FRMD4B: variants seen among roughly 807,000 people sequenced by gnomAD.
The protein encoded by FRMD4B is FERM domain-containing protein 4B.
Under a neutral mutation model 141.5 loss-of-function variants are expected in FRMD4B, and 74 were observed. That is an observed-to-expected ratio of 0.52 (90% CI 0.43 to 0.63). FRMD4B has a LOEUF of 0.63. Ranked by LOEUF, FRMD4B falls within the 30% of genes least tolerant of loss-of-function variation. The pLI, the probability that FRMD4B is intolerant of heterozygous loss-of-function variation, is 0.00. For synonymous variants in FRMD4B, 506 were observed against 467.9 expected, an observed-to-expected ratio of 1.08 and a Z score of -1.05; for missense variants, 1,366 against 1,253.4, an observed-to-expected ratio of 1.09 and a Z score of -1.36.
chr3:69,195,199 A>T (rs2092888616), intron 15 of FRMD4B, 32 bp downstream of exon 15: 1 of 1,613,226 alleles, frequency 6.2e-7, no homozygotes, highest in Admixed American at 1.7e-5. Flanking sequence ...GTTGTCAAAC[A>T]CAACTTGATG....
intron 1 of FRMD4B, among the ~76,000 whole-genome samples, chr3:69,453,388 G>A (rs1274962473): frequency 6.6e-6 from 1 of 152,136 alleles, no homozygotes; most frequent in Non-Finnish European, 1.5e-5. Context: ...ACTGTACTTT[G>A]CTTCCTGGTA....
At chr3:69,464,105 G>C (rs928771471) in intron 1 of FRMD4B, among the ~76,000 whole-genome samples, 1 of 152,216 alleles carries the variant, frequency 6.6e-6, no homozygotes, top group Admixed American at 6.5e-5. Flanking sequence ...ACCACGTGCA[G>C]ACTCTGCTGC....
rs566308604 is a variant in FRMD4B, at chr3:69,197,703, C to T, written c.954-665G>A. The T allele has an allele frequency of 8.7e-4, 132 of 152,218 alleles. 1 individual carries two copies. The South Asian group carries it at 0.013, about 16-fold the overall frequency. The allele number at this position is 152,218 out of a possible 1,614,324, so 9.4% of individuals were successfully genotyped here. A position where few individuals can be genotyped will look rare whatever the true frequency, so the allele number is the denominator to read the frequency against. On this transcript the variant is annotated intron_variant, in intron 12 of 22. Coordinates refer to ENST00000398540, the MANE Select transcript of FRMD4B (RefSeq NM_015123.3). ...AGGCAGACAGACTGTGTGTGTGTGACGTGGTACTAATGTTCTTTGTAGGAA... is the reference window on the plus strand; with the variant it reads ...AGGCAGACAGACTGTGTGTGTGTGATGTGGTACTAATGTTCTTTGTAGGAA...
At chr3:69,317,840 CT>C (rs1352303275) in intron 1 of FRMD4B, among the ~76,000 whole-genome samples, 1 of 151,326 alleles carries the variant, frequency 6.6e-6, no homozygotes, top group Admixed American at 6.6e-5. Context: ...GTCAGGGTTC[CT>C]AATGTTTTCC....
At chr3:69,236,263 C>A (rs1306108113) in intron 7 of FRMD4B, among the ~76,000 whole-genome samples, 1 of 148,636 alleles carries the variant, frequency 6.7e-6, no homozygotes, top group South Asian at 2.1e-4. Flanking sequence ...GAGTCTCGCT[C>A]TGTTGCCCAG....
intron 1 of FRMD4B, among the ~76,000 whole-genome samples, chr3:69,466,835 A>G (rs9874463): frequency 0.031 from 4,645 of 152,188 alleles, 250 homozygotes; most frequent in African/African-American, 0.11. Context: ...AGCTGGGACT[A>G]TAGGCATGTA....
chr3:69,405,863 T>C (rs1704641422), intron 2 of FRMD4B, among the ~76,000 whole-genome samples: 1 of 152,224 alleles, frequency 6.6e-6, no homozygotes, highest in African/African-American at 2.4e-5. Flanking sequence ...AGTGAAACAG[T>C]ACTGCAGGAT....
chr3:69,242,013 G>A (rs1435704390), intron 7 of FRMD4B, among the ~76,000 whole-genome samples: 1 of 152,174 alleles, frequency 6.6e-6, no homozygotes, highest in Non-Finnish European at 1.5e-5. Flanking sequence ...CTACTTAACA[G>A]CTACAAATCT....
In FRMD4B at chr3:69,324,897, T is replaced by C. The variant is rs567903530; in HGVS notation, c.163-11380A>G. Among the ~76,000 whole-genome samples the C allele has an allele frequency of 7.5e-4, 113 of 151,544 alleles. 3 individuals carry two copies. The highest frequency in any genetic ancestry group is 5.1e-3 in the Admixed American group (78 of 15,210). ...ATTGCTTGAGCCCAGGAGTCTGAGA[T>C]CAGCCTGAGCAACAGGGTAAGACCC... On this transcript the variant is annotated intron_variant, in intron 1 of 22. Transcript: ENST00000398540.
chr3:69,207,806 CA>C (rs200656924), intron 11 of FRMD4B, among the ~76,000 whole-genome samples: 18,658 of 147,480 alleles, frequency 0.13, 1,235 homozygotes, highest in East Asian at 0.32. Context: ...GACTCCGTCT[CA>C]AAAAAAAAAA....
At chr3:69,173,714 C>T (rs917564908) in intron 22 of FRMD4B, among the ~76,000 whole-genome samples, 1 of 152,096 alleles carries the variant, frequency 6.6e-6, no homozygotes, top group Non-Finnish European at 1.5e-5. Flanking sequence ...GGCAAAGTTG[C>T]AAATCTTTCT....
At chr3:69,503,468 A>G (rs1408154226) in intron 1 of FRMD4B, among the ~76,000 whole-genome samples, 2 of 144,358 alleles carry the variant, frequency 1.4e-5, no homozygotes, top group African/African-American at 2.6e-5. Flanking sequence ...TCTCACTGAT[A>G]GGAGGGAACT....
At chr3:69,514,404 A>T (rs908219031) in intron 1 of FRMD4B, among the ~76,000 whole-genome samples, 1 of 152,146 alleles carries the variant, frequency 6.6e-6, no homozygotes, top group African/African-American at 2.4e-5. Context: ...AAAATAAAGA[A>T]ATAGGCCAAG....
intron 5 of FRMD4B, among the ~76,000 whole-genome samples, chr3:69,255,269 G>C (rs2093485745): frequency 6.6e-6 from 1 of 152,176 alleles, no homozygotes; most frequent in Non-Finnish European, 1.5e-5. Context: ...TATGAAAGGA[G>C]AAAGTGCAAA....
At chr3:69,213,694 G>T (rs1475063487) in intron 11 of FRMD4B, among the ~76,000 whole-genome samples, 6 of 135,894 alleles carry the variant, frequency 4.4e-5, no homozygotes, top group Non-Finnish European at 7.8e-5. Context: ...ACAAGGTTTT[G>T]CTCTGTCACC....
chr3:69,478,916 T>G (rs1451401161), intron 1 of FRMD4B, among the ~76,000 whole-genome samples: 3 of 150,902 alleles, frequency 2.0e-5, no homozygotes, highest in Non-Finnish European at 4.4e-5. Flanking sequence ...ATATTTAGGA[T>G]AGTTAGCTCT....
intron 1 of FRMD4B, among the ~76,000 whole-genome samples, chr3:69,319,079 A>G (rs533286085): frequency 1.3e-5 from 2 of 152,194 alleles, no homozygotes; most frequent in Non-Finnish European, 2.9e-5. Context: ...TTTAACACTC[A>G]TTAATGTATA....
rs75105092 is a variant in FRMD4B, at chr3:69,397,720, G to C, written c.-1+34914C>G. 8.6e-3 allele frequency among the ~76,000 whole-genome samples: 1,315 copies of C among 152,200 alleles called. 20 individuals carry two copies. The highest frequency in any genetic ancestry group is 0.03 in the African/African-American group (1,242 of 41,502). On this transcript the variant is annotated intron_variant, in intron 2 of 5. Coordinates refer to the FRMD4B transcript ENST00000459638. ...GTTGCCTAGGGCTGAGGGAATTAGG[G>C]AGAAATGGGGAATGACTGCTAATTA...
chr3:69,424,219 G>A (rs1012427655), intron 2 of FRMD4B, among the ~76,000 whole-genome samples: 3 of 152,166 alleles, frequency 2.0e-5, no homozygotes, highest in Non-Finnish European at 4.4e-5. Context: ...CCCTAGGTGT[G>A]ATGTTTCAGT....
Sources: allele counts gnomAD v4.1 joint callset (sites outside exome capture counted in the v4.1 genomes callset), GRCh38; gene constraint gnomAD v4.1.1; transcripts MANE v1.5; gene names NCBI Gene and HGNC (gene_info 2026-07-23, HGNC 2026-07-21).